The following SHC1 variants were observed in gnomAD, a reference collection of about 807,000 sequenced individuals.
SHC1 encodes the protein SHC-transforming protein 1.
Under a neutral mutation model 55.9 loss-of-function variants are expected in SHC1, and 30 were observed. That is an observed-to-expected ratio of 0.54 (90% CI 0.40 to 0.73). The LOEUF is 0.73. Among genes scored for constraint, SHC1 ranks in the 30% least tolerant of loss-of-function variants. SHC1 has a pLI of 0.00. For synonymous variants in SHC1, 309 were observed against 306.1 expected (o/e 1.01, Z -0.10); for missense variants, 675 against 777.1 (o/e 0.87, Z 1.56).
chr1:154,965,393 G>A (rs1655817508), intron 11 of SHC1, 150 bp downstream of exon 11: 1 of 1,608,018 alleles, frequency 6.2e-7, no homozygotes, highest in African/African-American at 1.3e-5. Context: ...TCTGGAGGAA[G>A]ATGCCAGACA....
intron 11 of SHC1, 74 bp from the exon 12 acceptor site, chr1:154,964,005 G>A (rs575922097): frequency 6.6e-7 from 1 of 1,524,566 alleles, no homozygotes; most frequent in East Asian, 2.3e-5. Flanking sequence ...AGGTGGAAGA[G>A]GGTGAAACAG....
At chr1:154,964,271 C>G in intron 11 of SHC1, 1 of 477,646 alleles carries the variant, frequency 2.1e-6, no homozygotes, top group Admixed American at 2.3e-5. Context: ...CATGGTGGTC[C>G]GTGCCTGTAA....
chr1:154,969,386 C>G lies in SHC1; in HGVS notation c.558G>C (p.Gln186His), dbSNP rs774936449. The change falls in exon 2 of 12, where the codon CAG (glutamine) becomes CAC (histidine). Residue 186 changes from glutamine (Q) to histidine (H), a missense_variant. By Grantham distance (24) the Gln-to-His change is conservative. Transcript: ENST00000448116. ...MRALDFNTRT[Q>H]VTREAISLVC... The stretch of plus-strand genomic sequence containing the variant: ...ACTCCCTCCCCACTAACCTGGTGAC[C>G]TGAGTCCGGGTGTTGAAGTCCAGGG... The G allele has an allele frequency of 1.2e-6, 2 of 1,609,846 alleles. No homozygotes were observed. The highest frequency in any genetic ancestry group is 1.3e-5 in the African/African-American group (1 of 74,936).
In SHC1 at chr1:154,965,749, G is replaced by A. The variant is rs765445546; in HGVS notation, c.1420C>T (p.Pro474Ser). The A allele has an allele frequency of 1.9e-6, 3 of 1,613,930 alleles. No homozygotes were observed. The highest frequency in any genetic ancestry group is 2.2e-5 in the South Asian group (2 of 91,082). ...PFEDALRVPP[P>S]PQSVSMAEQL... ...TCAGCCATGGACACCGACTGGGGAGGTGGAGGCACGCGAAGAGCATCTTCG... is the reference window on the plus strand; with the variant it reads ...TCAGCCATGGACACCGACTGGGGAGATGGAGGCACGCGAAGAGCATCTTCG... Residue 474 changes from proline to serine, a missense_variant, in exon 11 of 12, where the codon CCT becomes TCT. Transcript: ENST00000448116.
upstream of SHC1, among the ~76,000 whole-genome samples, chr1:154,971,609 C>A (rs1410606881): frequency 6.6e-6 from 1 of 152,168 alleles, no homozygotes; most frequent in Non-Finnish European, 1.5e-5. Context: ...CTCCAAACCA[C>A]CCCAATTCAC....
chr1:154,968,393 TCTC>T (rs1357474464), intron 4 of SHC1, 99 bp downstream of exon 4: 3 of 1,555,976 alleles, frequency 1.9e-6, no homozygotes, highest in Admixed American at 3.4e-5. Flanking sequence ...TCCCTACTGG[TCTC>T]CTGCTCTCAA....
In SHC1 at chr1:154,963,997, G is replaced by A. The variant is rs1350787462; in HGVS notation, c.1627-66C>T. 3 of 1,556,946 alleles carry A rather than the reference G, an allele frequency of 1.9e-6. No individual in the cohort carries two copies. In the East Asian group the frequency reaches 6.7e-5, roughly 35 times the overall value. Reference sequence around the variant, plus strand: ...GTCAAATAAGACCTCAGCCTCCAAGGTGGAAGAGGGTGAAACAGACAAGAG... The same window carrying A: ...GTCAAATAAGACCTCAGCCTCCAAGATGGAAGAGGGTGAAACAGACAAGAG... On this transcript the variant is annotated intron_variant, in intron 11 of 11. Transcript: ENST00000448116.
chr1:154,966,358 T>G lies in SHC1; in HGVS notation c.1143A>C (p.Ala381=), dbSNP rs762354413. 6 of 1,614,074 alleles carry G rather than the reference T, an allele frequency of 3.7e-6. No homozygotes were observed. The highest frequency in any genetic ancestry group is 4.2e-6 in the Non-Finnish European group (5 of 1,179,978). Residue 381 remains alanine, a synonymous_variant, in exon 8 of 12, where the codon GCA becomes GCC. Transcript: ENST00000448116. ...AGTGGCTGGGGGTCTGGGCATTGGGTGCAGTGGGTCGAGCAGCCCCTGGAG... is the reference window on the plus strand; with the variant it reads ...AGTGGCTGGGGGTCTGGGCATTGGGGGCAGTGGGTCGAGCAGCCCCTGGAG... ...GAAPGAARPT[A]PNAQTPSHLG...
rs1655471282 is a variant in SHC1 at position 154,962,734 on chromosome 1, A to G, written c.*1069T>C. 1 of 152,798 alleles carries G rather than the reference A, an allele frequency of 6.5e-6. No individual in the cohort carries two copies. Among genetic ancestry groups the G allele is most frequent in the South Asian group, 2.1e-4 (1 of 4,836 alleles). The allele number at this position is 152,798 out of a possible 1,614,324, so 9.5% of individuals were successfully genotyped here. On this transcript the variant is annotated 3_prime_UTR_variant, in exon 12 of 12. Transcript: ENST00000448116. ...GTCAAAAAGGTGATGTATAAATGTA[A>G]TAATTGATTATCATTTTGTGCTCAA...
chr1:154,964,419 C>T (rs1489830850), intron 11 of SHC1: 2 of 373,076 alleles, frequency 5.4e-6, no homozygotes, highest in Admixed American at 7.0e-5. Context: ...CACACCGCAG[C>T]CTGAGTGACA....
rs762798440 is a variant in SHC1 at position 154,970,173 on chromosome 1, G to T, written c.354C>A (p.Gly118=). The part of the protein sequence containing the change: ...LQDMNKLSGG[G]GRRTRVEGGQ... ...CCCCTTCCACCCGAGTCCTGCGCCC[G>T]CCGCCTCCACTCAGCTTGTTCATGT... The change falls in exon 1 of 12, where the codon GGC becomes GGA. Residue 118 remains glycine (G), a synonymous_variant. Coordinates refer to ENST00000448116, the MANE Select transcript of SHC1 (RefSeq NM_001130040.2). This position sits in a 1 kb window ranked among gnomAD's most constrained non-coding sequence, Gnocchi z 5.5. 1.2e-6 allele frequency: 2 copies of T among 1,613,454 alleles called. No individual in the cohort carries two copies. The highest frequency in any genetic ancestry group is 2.2e-5 in the South Asian group (2 of 91,074).
At chr1:154,969,543 G>C (rs1165095293) in intron 1 of SHC1, 95 bp from the exon 2 acceptor site, 2 of 790,730 alleles carry the variant, frequency 2.5e-6, no homozygotes, top group Middle Eastern at 2.2e-4. Context: ...GGTCCCTAAG[G>C]GAAGTAAAGA....
At chr1:154,966,288 GC>G in intron 8 of SHC1, 30 bp downstream of exon 8, 1 of 1,611,958 alleles carries the variant, frequency 6.2e-7, no homozygotes, top group Non-Finnish European at 8.5e-7. Flanking sequence ...TCCCACCCTA[GC>G]CCCAGCCCGC....
Position 154,970,517 on chromosome 1 carries a change from G to A in SHC1, c.10C>T (p.Leu4=). ...GGATTGTACTTGGGCTTGGGGGGCA[G>A]GAGATCCATAGTTGAGGTGAAAGAG... is the stretch of plus-strand genomic sequence containing the variant. MDL[L]PPKPKYNPLR... is the part of the protein sequence containing the mutation. The change falls in exon 1 of 12, where the codon CTG becomes TTG. Residue 4 remains leucine (L), a synonymous_variant. Coordinates refer to ENST00000448116, the MANE Select transcript of SHC1 (RefSeq NM_001130040.2). The surrounding 1 kb of genome is among the most constrained non-coding windows in gnomAD (Gnocchi z 5.5). 1 of 1,606,622 alleles carries A rather than the reference G, an allele frequency of 6.2e-7. No homozygotes were observed. The highest frequency in any genetic ancestry group is 1.3e-5 in the African/African-American group (1 of 74,670).
intron 11 of SHC1, chr1:154,965,311 ACAGGTGTGAGCCAC>A: frequency 7.2e-7 from 1 of 1,380,176 alleles, no homozygotes; most frequent in Non-Finnish European, 9.6e-7. Flanking sequence ...CGCTGGGATT[ACAGGTGTGAGCCAC>A]CACGCCTGGC....
Position 154,963,518 on chromosome 1 carries a change from CCTT to C in SHC1, c.*282_*284del. ...GGACATTTTCCATGACAAGCACTCA[CCTT>C]CTTGGGGAAGGGGCATCAGGTTGGC... On this transcript the variant is annotated 3_prime_UTR_variant, in exon 12 of 12. Transcript: ENST00000448116. 3.0e-6 allele frequency: 1 copy of C among 333,316 alleles called. No individual in the cohort carries two copies. Among genetic ancestry groups the C allele is most frequent in the Non-Finnish European group, 5.7e-6 (1 of 175,284 alleles). The allele number at this position is 333,316 out of a possible 1,614,324, so 20.6% of individuals were successfully genotyped here. A position where few individuals can be genotyped will look rare whatever the true frequency, so the allele number is the denominator to read the frequency against.
At chr1:154,971,005 G>A (rs1656692392), upstream of SHC1, among the ~76,000 whole-genome samples, 2 of 152,136 alleles carry the variant, frequency 1.3e-5, no homozygotes, top group Admixed American at 6.5e-5. Context: ...GGACGGAAAG[G>A]AAGGAGATAG....
In SHC1 at chr1:154,970,499, AC is replaced by A; in HGVS notation, c.27del (p.Lys9AsnfsTer57). On this transcript the variant is annotated frameshift_variant, in exon 1 of 12. Transcript: ENST00000448116. LOFTEE classifies it high-confidence loss of function. The surrounding 1 kb of genome is among the most constrained non-coding windows in gnomAD (Gnocchi z 5.5). MDLLPPKP[K>X]YNPLRNESLS... ...AGAGACTCATTCCGGAGTGGATTGT[AC>A]TTGGGCTTGGGGGGCAGGAGATCCA... 1 of 1,611,138 alleles carries A rather than the reference AC, an allele frequency of 6.2e-7. No individual in the cohort carries two copies. The highest frequency in any genetic ancestry group is 1.7e-5 in the Admixed American group (1 of 59,670).
rs879523278 is a variant in SHC1, at chr1:154,970,553, C to A, written c.-27G>T. 6.3e-5 allele frequency: 98 copies of A among 1,556,454 alleles called. No homozygotes were observed. The highest frequency in any genetic ancestry group is 8.4e-5 in the Non-Finnish European group (97 of 1,156,850). Reference sequence around the variant, plus strand: ...GTTGAGGTGAAAGAGGGGCTGCTGCCCAGCCTGGCCCCCCTGCCAGTTTGG... The same window carrying A: ...GTTGAGGTGAAAGAGGGGCTGCTGCACAGCCTGGCCCCCCTGCCAGTTTGG... On this transcript the variant is annotated 5_prime_UTR_variant, in exon 1 of 12. Coordinates refer to ENST00000448116, the MANE Select transcript of SHC1 (RefSeq NM_001130040.2). The surrounding 1 kb of genome is among the most constrained non-coding windows in gnomAD (Gnocchi z 5.5).
Sources: allele counts gnomAD v4.1 joint callset (sites outside exome capture counted in the v4.1 genomes callset), GRCh38; gene constraint gnomAD v4.1.1; non-coding constraint Gnocchi (gnomAD v3.1); transcripts MANE v1.5; gene names NCBI Gene and HGNC (gene_info 2026-07-23, HGNC 2026-07-21).